Variants in HSDL1 observed in about 807,000 individuals in gnomAD.
HSDL1 encodes the protein hydroxysteroid dehydrogenase like 1, also known as inactive hydroxysteroid dehydrogenase-like protein 1.
HSDL1 carries 29 observed loss-of-function variants against 31.5 expected under a neutral mutation model. The ratio of observed to expected loss-of-function variants is 0.92; its 90% confidence interval spans 0.69 to 1.26. HSDL1 has a LOEUF of 1.26. HSDL1 is among the 50% of genes most tolerant of loss of function. The probability of loss-of-function intolerance (pLI) is 0.00; values close to 1 mark genes in which losing one functional copy is unlikely to be tolerated. For synonymous variants in HSDL1, 222 were observed against 155.2 expected, an observed-to-expected ratio of 1.43 and a Z score of -3.20; for missense variants, 503 against 416.6, an observed-to-expected ratio of 1.21 and a Z score of -1.81.
intron 5 of HSDL1, among the ~76,000 whole-genome samples, chr16:84,128,861 C>A (rs2044725424): frequency 6.6e-6 from 1 of 152,028 alleles, no homozygotes; most frequent in Non-Finnish European, 1.5e-5. Flanking sequence ...GCACACACCA[C>A]TAAGCCTAGC....
intron 2 of HSDL1, among the ~76,000 whole-genome samples, chr16:84,132,778 G>C (rs1223534643): frequency 6.6e-6 from 1 of 152,058 alleles, no homozygotes; most frequent in Admixed American, 6.6e-5. Flanking sequence ...TTCATATCAG[G>C]CTAAACCAAC....
chr16:84,144,741 C>T (rs2086823759), intron 1 of HSDL1, among the ~76,000 whole-genome samples: 1 of 143,096 alleles, frequency 7.0e-6, no homozygotes, highest in Non-Finnish European at 1.5e-5. Flanking sequence ...GTTTGGGGGG[C>T]AAGGCCCGGG....
At chr16:84,138,456 G>C (rs990297257) in intron 1 of HSDL1, among the ~76,000 whole-genome samples, 1 of 152,158 alleles carries the variant, frequency 6.6e-6, no homozygotes, top group Non-Finnish European at 1.5e-5. Flanking sequence ...TTAGAGGGTA[G>C]ATCTCAAGTG....
At chr16:84,126,938 C>A (rs929544555) in intron 5 of HSDL1, among the ~76,000 whole-genome samples, 3 of 152,158 alleles carry the variant, frequency 2.0e-5, no homozygotes, top group African/African-American at 4.8e-5. Flanking sequence ...GAAAACTACT[C>A]CAGGAATTAA....
At chr16:84,129,922 C>G in intron 4 of HSDL1, 64 bp downstream of exon 4, 1 of 1,533,286 alleles carries the variant, frequency 6.5e-7, no homozygotes. Context: ...CAAATCAGAC[C>G]AAACAACTGT....
chr16:84,137,203 G>A (rs1198535332), intron 1 of HSDL1, among the ~76,000 whole-genome samples: 1 of 152,236 alleles, frequency 6.6e-6, no homozygotes, highest in Non-Finnish European at 1.5e-5. Flanking sequence ...GGTGAAATGG[G>A]TCTTGAAGTG....
intron 3 of HSDL1, 63 bp downstream of exon 3, chr16:84,131,037 AAT>A: frequency 1.5e-6 from 2 of 1,291,818 alleles, no homozygotes; most frequent in Non-Finnish European, 2.2e-6. Flanking sequence ...CATTAAATTC[AAT>A]AGCTCCTTGA....
At chr16:84,132,367 C>A (rs769216768) in intron 2 of HSDL1, among the ~76,000 whole-genome samples, 29 of 152,046 alleles carry the variant, frequency 1.9e-4, no homozygotes, top group Non-Finnish European at 3.7e-4. Flanking sequence ...AAAACCTTTA[C>A]ATCAATTAAA....
intron 5 of HSDL1, among the ~76,000 whole-genome samples, chr16:84,125,908 C>G (rs1233985455): frequency 6.6e-6 from 1 of 152,152 alleles, no homozygotes; most frequent in Non-Finnish European, 1.5e-5. Context: ...TCGAGACCAT[C>G]CTGGCTAACA....
intron 2 of HSDL1, among the ~76,000 whole-genome samples, chr16:84,132,347 T>C (rs1002775445): frequency 3.3e-5 from 5 of 152,130 alleles, no homozygotes; most frequent in Admixed American, 6.5e-5. Flanking sequence ...GAGACAAAAC[T>C]CAGCTTTCAA....
At chr16:84,128,976 G>A (rs148132363) in intron 5 of HSDL1, among the ~76,000 whole-genome samples, 2,913 of 152,158 alleles carry the variant, frequency 0.019, 71 homozygotes, top group Admixed American at 0.067. Context: ...CCAAAGTGCT[G>A]GGATTACAGA....
chr16:84,129,367 C>G (rs937851497), intron 5 of HSDL1, among the ~76,000 whole-genome samples, 181 bp downstream of exon 5: 1 of 151,344 alleles, frequency 6.6e-6, no homozygotes, highest in African/African-American at 2.4e-5. Flanking sequence ...GTGACAGAGC[C>G]AGACTCCATC....
In HSDL1 at chr16:84,130,923, A is replaced by C. The variant is rs1206427577; in HGVS notation, c.220+179T>G. ...TAGGAAGGATACCAATCATGAGGCC[A>C]GTTCTTCCTAAGATGAGAGCAGTAA... is the stretch of plus-strand genomic sequence containing the variant. On this transcript the variant is annotated intron_variant, in intron 3 of 5. Transcript: ENST00000219439. The C allele has an allele frequency of 4.9e-6, 3 of 607,068 alleles. No homozygotes were observed. In the African/African-American group the frequency reaches 5.6e-5, roughly 11 times the overall value. 37.6% of individuals were successfully genotyped at this position (607,068 alleles called of 1,614,324 possible).
Position 84,130,436 on chromosome 16 carries a change from G to A in HSDL1, c.221-5C>T. ...TTCCAATCCCATCTGTTGCACCTAG[G>A]ATGCAAGTCAGGAAAAGTGAGCATG... On this transcript the variant is annotated splice_polypyrimidine_tract_variant and splice_region_variant and intron_variant, in intron 3 of 5. Coordinates refer to ENST00000219439, the MANE Select transcript of HSDL1 (RefSeq NM_031463.5). 6.3e-7 allele frequency: 1 copy of A among 1,597,710 alleles called. No individual in the cohort carries two copies. Among genetic ancestry groups the A allele is most frequent in the Non-Finnish European group, 8.5e-7 (1 of 1,171,994 alleles).
At chr16:84,143,154 T>C (rs2086784303) in intron 1 of HSDL1, among the ~76,000 whole-genome samples, 1 of 152,210 alleles carries the variant, frequency 6.6e-6, no homozygotes, top group Admixed American at 6.5e-5. Context: ...TGCTTGCATG[T>C]TCACAGTGGC....
intron 2 of HSDL1, among the ~76,000 whole-genome samples, chr16:84,133,075 C>G (rs935987464): frequency 6.0e-5 from 9 of 151,226 alleles, no homozygotes; most frequent in African/African-American, 2.2e-4. Flanking sequence ...CCCTCCTACT[C>G]CACTGCAGTG....
Position 84,130,031 on chromosome 16 carries a change from G to T in HSDL1, c.621C>A (p.Ser207=). The stretch of plus-strand genomic sequence containing the variant: ...CCAGCTGAGGAGTGGGTTTGCAGCA[G>T]GAGCCAGAAGAGATCGTGACGATGG... ...KGAIVTISSG[S]CCKPTPQLAA... is the part of the protein sequence containing the mutation. The change falls in exon 4 of 6, where the codon TCC becomes TCA. Residue 207 remains serine, a synonymous_variant. Coordinates refer to ENST00000219439, the MANE Select transcript of HSDL1 (RefSeq NM_031463.5). The T allele has an allele frequency of 6.2e-7, 1 of 1,614,130 alleles. No individual in the cohort carries two copies. The highest frequency in any genetic ancestry group is 2.2e-5 in the East Asian group (1 of 44,890).
At chr16:84,129,032 G>C (rs549531711) in intron 5 of HSDL1, among the ~76,000 whole-genome samples, 6 of 152,130 alleles carry the variant, frequency 3.9e-5, no homozygotes, top group African/African-American at 1.4e-4. Context: ...TCACTTTAAG[G>C]TGCCACATAG....
At chr16:84,138,111 T>G in intron 1 of HSDL1, among the ~76,000 whole-genome samples, 1 of 152,180 alleles carries the variant, frequency 6.6e-6, no homozygotes, top group East Asian at 1.9e-4. Flanking sequence ...AAGTAAGTGT[T>G]TGCTGTTTCC....
Sources: gnomAD v4.1 joint callset for allele counts (sites outside exome capture counted in the v4.1 genomes callset) on GRCh38, gnomAD v4.1.1 for gene constraint, MANE v1.5 for transcripts, NCBI Gene and HGNC (gene_info 2026-07-23, HGNC 2026-07-21) for gene names.